The following ANO2 variants were observed in gnomAD, a reference collection of about 807,000 sequenced individuals.
ANO2 encodes anoctamin-2.
ANO2 carries 101 observed loss-of-function variants against 124.2 expected under a neutral mutation model. That is an observed-to-expected ratio of 0.81 (90% CI 0.69 to 0.96). The LOEUF (loss-of-function observed/expected upper bound fraction) is 0.96, where lower values mean the gene tolerates loss of function less well. Ranked by LOEUF, ANO2 falls within the 40% of genes least tolerant of loss-of-function variation. The probability of loss-of-function intolerance (pLI) is 0.00; values close to 1 mark genes in which losing one functional copy is unlikely to be tolerated. For missense variants in ANO2, 1,293 were observed against 1,274.5 expected (o/e 1.01, Z -0.22); for synonymous variants, 486 against 482.5 (o/e 1.01, Z -0.09).
chr12:5,925,413 C>T lies in ANO2; in HGVS notation c.23-2609G>A, dbSNP rs1942036683. On this transcript the variant is annotated intron_variant, in intron 1 of 24. Coordinates refer to ENST00000682330, the MANE Select transcript of ANO2 (RefSeq NM_001364791.2). This position sits in a 1 kb window ranked among gnomAD's most constrained non-coding sequence, Gnocchi z 4.6. ...TGCCTGGGAACTCTGCTTCCCTTCT[C>T]TCCCTCTCCCCACAAGTGATTAGAG... 6.6e-6 allele frequency among the ~76,000 whole-genome samples: 1 copy of T among 152,164 alleles called. No homozygotes were observed. The highest frequency in any genetic ancestry group is 2.1e-4 in the South Asian group (1 of 4,832).
chr12:5,866,050 T>A (rs1439817830), intron 3 of ANO2, among the ~76,000 whole-genome samples: 1 of 152,184 alleles, frequency 6.6e-6, no homozygotes, highest in Non-Finnish European at 1.5e-5. Context: ...ATTGATCCCA[T>A]CCCAAATCCA....
intron 7 of ANO2, among the ~76,000 whole-genome samples, chr12:5,813,417 C>G (rs1026745692): frequency 1.3e-5 from 2 of 152,172 alleles, no homozygotes; most frequent in Non-Finnish European, 2.9e-5. Context: ...ATTAAATATG[C>G]AGATCTTCGG....
chr12:5,823,057 A>G (rs1355542197), intron 7 of ANO2, among the ~76,000 whole-genome samples: 3 of 152,330 alleles, frequency 2.0e-5, no homozygotes, highest in East Asian at 1.9e-4. Flanking sequence ...CCCACAACAC[A>G]TGGGAATTCT....
chr12:5,787,573 C>T lies in ANO2; in HGVS notation c.1055+11934G>A, dbSNP rs934000929. Among the ~76,000 whole-genome samples the T allele has an allele frequency of 3.3e-5, 5 of 152,142 alleles. No individual in the cohort carries two copies. The highest frequency in any genetic ancestry group is 7.2e-5 in the African/African-American group (3 of 41,410). ...TTCTGTATAATGAGGATGATAGTAT[C>T]GATCTCGACGGGGTGTTGTGAGTTA... is the stretch of plus-strand genomic sequence containing the variant. On this transcript the variant is annotated intron_variant, in intron 10 of 24. Coordinates refer to ENST00000682330, the MANE Select transcript of ANO2 (RefSeq NM_001364791.2). This position sits in a 1 kb window ranked among gnomAD's most constrained non-coding sequence, Gnocchi z 4.2.
chr12:5,747,317 G>T (rs953054006), intron 11 of ANO2, among the ~76,000 whole-genome samples: 5 of 152,180 alleles, frequency 3.3e-5, no homozygotes, highest in Non-Finnish European at 7.3e-5. Context: ...GTGGCTGAAA[G>T]ACACAAACCC....
intron 7 of ANO2, among the ~76,000 whole-genome samples, chr12:5,815,628 C>T (rs1357641296): frequency 1.3e-5 from 2 of 152,180 alleles, no homozygotes; most frequent in Non-Finnish European, 2.9e-5. Context: ...CATATTCCCC[C>T]TTTCACTTTG....
At chr12:5,615,780 A>T (rs1263277851) in intron 16 of ANO2, among the ~76,000 whole-genome samples, 1 of 152,202 alleles carries the variant, frequency 6.6e-6, no homozygotes, top group Non-Finnish European at 1.5e-5. Flanking sequence ...TTTTAGCAGA[A>T]AAAATGCTGA....
chr12:5,648,765 G>A (rs1433069669), intron 14 of ANO2, among the ~76,000 whole-genome samples: 1 of 152,218 alleles, frequency 6.6e-6, no homozygotes, highest in African/African-American at 2.4e-5. Flanking sequence ...AAGGTGCCGA[G>A]AATATGGCAG....
intron 15 of ANO2, among the ~76,000 whole-genome samples, chr12:5,638,234 T>TC: frequency 8.0e-6 from 1 of 124,322 alleles, no homozygotes; most frequent in Admixed American, 7.5e-5. Context: ...ACTGTTTCTT[T>TC]TCCTTTTTTT....
intron 7 of ANO2, among the ~76,000 whole-genome samples, chr12:5,813,248 G>T (rs1953494088): frequency 6.6e-6 from 1 of 152,208 alleles, no homozygotes; most frequent in Non-Finnish European, 1.5e-5. Flanking sequence ...CAGAACCCCA[G>T]TGGTCAAATC....
chr12:5,625,346 C>T (rs1352608363), intron 16 of ANO2, among the ~76,000 whole-genome samples: 1 of 150,102 alleles, frequency 6.7e-6, no homozygotes, highest in Admixed American at 6.7e-5. Context: ...CAATACTTAC[C>T]AGCAGACTGG....
intron 10 of ANO2, among the ~76,000 whole-genome samples, chr12:5,796,530 CACACACACTA>C (rs1952864851): frequency 6.6e-6 from 1 of 152,066 alleles, no homozygotes; most frequent in African/African-American, 2.4e-5. Context: ...TTCTCACACT[CACACACACTA>C]ACACACACAA....
At chr12:5,932,877 C>T (rs1674843234) in intron 1 of ANO2, among the ~76,000 whole-genome samples, 1 of 152,150 alleles carries the variant, frequency 6.6e-6, no homozygotes, top group African/African-American at 2.4e-5. Flanking sequence ...CCAGAGGACA[C>T]GGCTTTTGCA....
In ANO2 at chr12:5,612,656, G is replaced by T. The variant is rs1186168335; in HGVS notation, c.2087C>A (p.Pro696Gln). The change falls in exon 19 of 25, where the codon CCG becomes CAG. Residue 696 changes from proline to glutamine, a missense_variant and splice_region_variant. Coordinates refer to ENST00000682330, the MANE Select transcript of ANO2 (RefSeq NM_001364791.2). The part of the protein sequence containing the change: ...IQNNIFEIGV[P>Q]KLKKLFRKLK... ...GAGGTTAGAGGAGTTCATTACATAC[G>T]GGACTCCAATCTCAAAGATGTTGTT... is the stretch of plus-strand genomic sequence containing the variant. 1.2e-6 allele frequency: 2 copies of T among 1,612,880 alleles called. No individual in the cohort carries two copies. The highest frequency in any genetic ancestry group is 1.7e-5 in the Admixed American group (1 of 59,972).
At chr12:5,820,786 C>A (rs553699409) in intron 7 of ANO2, among the ~76,000 whole-genome samples, 4 of 152,224 alleles carry the variant, frequency 2.6e-5, no homozygotes, top group Non-Finnish European at 5.9e-5. Flanking sequence ...TGGAGAATAA[C>A]AGGGGATTAC....
chr12:5,879,991 GGT>G (rs1938372015), intron 3 of ANO2, among the ~76,000 whole-genome samples: 1 of 152,174 alleles, frequency 6.6e-6, no homozygotes, highest in African/African-American at 2.4e-5. Context: ...ATCACACAAG[GGT>G]AGATAGTGAG....
At chr12:5,610,310 TATAC>T (rs1220277700) in intron 19 of ANO2, among the ~76,000 whole-genome samples, 1 of 87,876 alleles carries the variant, frequency 1.1e-5, no homozygotes, top group Non-Finnish European at 2.0e-5. Context: ...TGCATATATT[TATAC>T]ATAAATATAT....
chr12:5,895,682 G>A (rs534614722), intron 3 of ANO2, among the ~76,000 whole-genome samples: 1 of 151,968 alleles, frequency 6.6e-6, no homozygotes, highest in Non-Finnish European at 1.5e-5. Context: ...TACACTGCTG[G>A]TGGGATGTAA....
intron 10 of ANO2, among the ~76,000 whole-genome samples, chr12:5,799,200 A>G (rs1952962304): frequency 6.6e-6 from 1 of 152,248 alleles, no homozygotes. Flanking sequence ...AGACTAAGGA[A>G]AAGAAATGAG....
Sources: gnomAD v4.1 joint callset for allele counts (sites outside exome capture counted in the v4.1 genomes callset) on GRCh38, gnomAD v4.1.1 for gene constraint, Gnocchi (gnomAD v3.1) non-coding constraint, MANE v1.5 for transcripts, NCBI Gene and HGNC (gene_info 2026-07-23, HGNC 2026-07-21) for gene names.